Variants in CACNA2D3 observed in about 807,000 individuals in gnomAD.
CACNA2D3 encodes calcium voltage-gated channel auxiliary subunit alpha2delta 3, also known as voltage-dependent calcium channel subunit alpha-2/delta-3.
CACNA2D3 carries 60 observed loss-of-function variants against 160.6 expected under a neutral mutation model. The ratio of observed to expected loss-of-function variants is 0.37; its 90% CI spans 0.30 to 0.46. The LOEUF (loss-of-function observed/expected upper bound fraction) is 0.46, where lower values mean the gene tolerates loss of function less well. Ranked by LOEUF, CACNA2D3 falls within the 20% of genes least tolerant of loss-of-function variation. CACNA2D3 has a pLI of 1.00. For missense variants in CACNA2D3, 1,205 were observed against 1,365.0 expected, an observed-to-expected ratio of 0.88 and a Z score of 1.85; for synonymous variants, 558 against 492.9, an observed-to-expected ratio of 1.13 and a Z score of -1.75.
At chr3:55,017,504 A>C (rs1456270667) in intron 34 of CACNA2D3, among the ~76,000 whole-genome samples, 1 of 152,140 alleles carries the variant, frequency 6.6e-6, no homozygotes, top group Non-Finnish European at 1.5e-5. Context: ...TAAGTACTCA[A>C]TATACATTGT....
chr3:54,705,911 T>C (rs907091289), intron 11 of CACNA2D3, among the ~76,000 whole-genome samples: 10 of 152,142 alleles, frequency 6.6e-5, no homozygotes, highest in Admixed American at 6.5e-4. Context: ...CCTCATAAAG[T>C]GATGATGGAG....
At chr3:54,736,154 CACACACACACAG>C (rs1275240216) in intron 11 of CACNA2D3, among the ~76,000 whole-genome samples, 8 of 130,194 alleles carry the variant, frequency 6.1e-5, no homozygotes, top group Admixed American at 1.6e-4. Flanking sequence ...CACACACACA[CACACACACACAG>C]ACACACATAA....
At chr3:54,368,788 G>A (rs762937853) in intron 3 of CACNA2D3, among the ~76,000 whole-genome samples, 4 of 127,714 alleles carry the variant, frequency 3.1e-5, no homozygotes, top group Non-Finnish European at 6.3e-5. Context: ...TGCAAGCTCC[G>A]CCTCCTGGGT....
chr3:54,604,295 A>T (rs1703118533), intron 9 of CACNA2D3, among the ~76,000 whole-genome samples: 1 of 152,190 alleles, frequency 6.6e-6, no homozygotes. Context: ...TCCCATGGAG[A>T]TACAAGTTCA....
intron 24 of CACNA2D3, among the ~76,000 whole-genome samples, chr3:54,889,538 T>G (rs1483035569): frequency 6.6e-6 from 1 of 152,082 alleles, no homozygotes; most frequent in Non-Finnish European, 1.5e-5. Flanking sequence ...CATGAGCTAT[T>G]GGGCAGACGG....
chr3:54,529,857 C>T (rs1383792464), intron 5 of CACNA2D3, among the ~76,000 whole-genome samples: 1 of 152,062 alleles, frequency 6.6e-6, no homozygotes, highest in East Asian at 1.9e-4. Flanking sequence ...ATTTCACAAG[C>T]GGCCATCAGG....
At chr3:54,331,895 T>C (rs115978216) in intron 3 of CACNA2D3, among the ~76,000 whole-genome samples, 2,079 of 152,308 alleles carry the variant, frequency 0.014, 21 homozygotes, top group Non-Finnish European at 0.02. Flanking sequence ...GTCCCATTCA[T>C]AGAATCGGCA....
chr3:55,069,328 TTAAG>T (rs1704745822), intron 35 of CACNA2D3, among the ~76,000 whole-genome samples: 1 of 152,182 alleles, frequency 6.6e-6, no homozygotes, highest in Non-Finnish European at 1.5e-5. Context: ...AAAAAGTTAA[TTAAG>T]AGAGAAATGA....
intron 18 of CACNA2D3, chr3:54,878,591 T>G (rs1180760377): frequency 6.6e-6 from 1 of 152,582 alleles, no homozygotes; most frequent in Non-Finnish European, 1.5e-5. Flanking sequence ...TTTTTTCTTC[T>G]TCTTTTTAAC....
intron 35 of CACNA2D3, among the ~76,000 whole-genome samples, chr3:55,033,571 T>C (rs1210730625): frequency 1.6e-5 from 1 of 60,978 alleles, no homozygotes. Context: ...TATCGTGTCA[T>C]TTATGTGTGT....
intron 27 of CACNA2D3, among the ~76,000 whole-genome samples, chr3:54,964,505 C>G (rs895994063): frequency 1.3e-5 from 2 of 151,932 alleles, no homozygotes; most frequent in Non-Finnish European, 2.9e-5. Context: ...TGACTTAAAT[C>G]AATATACTGT....
intron 4 of CACNA2D3, among the ~76,000 whole-genome samples, chr3:54,451,943 A>G (rs1347159350): frequency 6.6e-6 from 1 of 152,220 alleles, no homozygotes; most frequent in Non-Finnish European, 1.5e-5. Flanking sequence ...GATTACCTCC[A>G]GTGCCCTTTC....
chr3:54,476,418 C>T (rs1482721417), intron 4 of CACNA2D3, among the ~76,000 whole-genome samples: 1 of 151,896 alleles, frequency 6.6e-6, no homozygotes, highest in Non-Finnish European at 1.5e-5. Context: ...TTTTGATATA[C>T]ACCCAGAAAT....
chr3:54,415,698 T>A (rs1335858669), intron 4 of CACNA2D3, among the ~76,000 whole-genome samples: 2 of 152,278 alleles, frequency 1.3e-5, no homozygotes, highest in Middle Eastern at 3.4e-3. Flanking sequence ...CTCCCTATAA[T>A]CCTGTGGGGT....
At chr3:54,216,550 G>A (rs945365346) in intron 2 of CACNA2D3, among the ~76,000 whole-genome samples, 1 of 152,214 alleles carries the variant, frequency 6.6e-6, no homozygotes, top group Non-Finnish European at 1.5e-5. Context: ...GGAACTGATA[G>A]AGTAATATCA....
At chr3:54,149,932 C>CTCTCTCT (rs1559863353) in intron 2 of CACNA2D3, among the ~76,000 whole-genome samples, 8 of 23,828 alleles carry the variant, frequency 3.4e-4, no homozygotes, top group Non-Finnish European at 4.1e-4. Flanking sequence ...TCTCTCTCTC[C>CTCTCTCT]CTCCCTCCCT....
intron 12 of CACNA2D3, among the ~76,000 whole-genome samples, chr3:54,763,130 A>G (rs1455677825): frequency 2.8e-4 from 43 of 151,714 alleles, no homozygotes; most frequent in Admixed American, 2.8e-3. Context: ...TGTCTACCCA[A>G]CATATTTAAA....
chr3:54,524,116 C>G (rs779850675), intron 5 of CACNA2D3, among the ~76,000 whole-genome samples: 1 of 151,652 alleles, frequency 6.6e-6, no homozygotes, highest in Non-Finnish European at 1.5e-5. Context: ...GCTTTTTATT[C>G]TTTCTTAATA....
At chr3:54,224,940 C>CT (rs58653320) in intron 2 of CACNA2D3, among the ~76,000 whole-genome samples, 11,189 of 127,992 alleles carry the variant, frequency 0.087, 704 homozygotes, top group East Asian at 0.3. Flanking sequence ...GACTGAATAT[C>CT]TTTTTTTTTT....
Sources: gnomAD v4.1 joint callset for allele counts (sites outside exome capture counted in the v4.1 genomes callset) on GRCh38, gnomAD v4.1.1 for gene constraint, MANE v1.5 for transcripts, NCBI Gene and HGNC (gene_info 2026-07-23, HGNC 2026-07-21) for gene names.